The following RCOR3 variants were observed in gnomAD, a reference collection of about 807,000 sequenced individuals.
RCOR3 encodes the protein REST corepressor 3.
Under a neutral mutation model 64.1 loss-of-function variants are expected in RCOR3, and 13 were observed. The observed-to-expected ratio is 0.20, with a 90% CI of 0.13 to 0.32. The LOEUF (loss-of-function observed/expected upper bound fraction) is 0.32. Among genes scored for constraint, RCOR3 ranks in the 10% least tolerant of loss-of-function variants. The pLI, the probability that RCOR3 is intolerant of heterozygous loss-of-function variation, is 1.00. For synonymous variants in RCOR3, 215 were observed against 239.0 expected (o/e 0.90, Z 0.93); for missense variants, 489 against 701.2 (o/e 0.70, Z 3.42).
At chr1:211,273,919 A>G (rs1696598952) in intron 3 of RCOR3, among the ~76,000 whole-genome samples, 1 of 152,190 alleles carries the variant, frequency 6.6e-6, no homozygotes, top group Admixed American at 6.5e-5. Context: ...TCTATTGGCT[A>G]CCCATAGATT....
chr1:211,309,796 G>A (rs1400021535), intron 10 of RCOR3, among the ~76,000 whole-genome samples: 1 of 152,202 alleles, frequency 6.6e-6, no homozygotes, highest in Admixed American at 6.5e-5. Context: ...GCCGTAAGTT[G>A]TTAAAGTTAG....
chr1:211,259,406 T>A lies in RCOR3; in HGVS notation c.-155T>A, dbSNP rs1302078655. The A allele has an allele frequency of 1.6e-6, 1 of 618,640 alleles. No individual in the cohort carries two copies. Among genetic ancestry groups the A allele is most frequent in the African/African-American group, 2.1e-5 (1 of 48,434 alleles). 38.3% of individuals were successfully genotyped at this position (618,640 alleles called of 1,614,324 possible). A position where few individuals can be genotyped will look rare whatever the true frequency, so the allele number is the denominator to read the frequency against. On this transcript the variant is annotated 5_prime_UTR_variant, in exon 1 of 12. Coordinates refer to ENST00000419091, the MANE Select transcript of RCOR3 (RefSeq NM_001136223.3). Reference sequence around the variant, plus strand: ...CTGCGCTACTGCCGGAGCGGGGCGGTTATGGCGGCTCCATATTAACAGCCT... The same window carrying A: ...CTGCGCTACTGCCGGAGCGGGGCGGATATGGCGGCTCCATATTAACAGCCT...
rs932952205 is a variant in RCOR3, at chr1:211,314,868, C to T, written c.*1100C>T. 1 of 152,040 alleles carries T rather than the reference C, an allele frequency of 6.6e-6. No homozygotes were observed. The allele number at this position is 152,040 out of a possible 1,614,324, so 9.4% of individuals were successfully genotyped here. On this transcript the variant is annotated 3_prime_UTR_variant, in exon 12 of 12. Coordinates refer to ENST00000419091, the MANE Select transcript of RCOR3 (RefSeq NM_001136223.3). ...GTATTCCTTGCAGCCAACCTGTATT[C>T]GTGGGATTGGTGTAGGGTTAAATCA...
intron 2 of RCOR3, among the ~76,000 whole-genome samples, chr1:211,269,997 A>G (rs184049214): frequency 5.5e-4 from 84 of 152,012 alleles, no homozygotes; most frequent in African/African-American, 2.0e-3. Context: ...AAATGTTACT[A>G]TTCTTCCAGG....
At chr1:211,309,926 A>G (rs1361948305) in intron 10 of RCOR3, among the ~76,000 whole-genome samples, 1 of 152,182 alleles carries the variant, frequency 6.6e-6, no homozygotes, top group East Asian at 1.9e-4. Flanking sequence ...TGCTAGCAAC[A>G]GTATAGAGCT....
At chr1:211,294,155 T>C (rs1296597988) in intron 8 of RCOR3, among the ~76,000 whole-genome samples, 1 of 152,256 alleles carries the variant, frequency 6.6e-6, no homozygotes, top group Admixed American at 6.5e-5. Flanking sequence ...TGTTTATGTA[T>C]GATTTTTGTC....
At chr1:211,311,729 T>C (rs1375605029) in intron 10 of RCOR3, among the ~76,000 whole-genome samples, 2 of 152,196 alleles carry the variant, frequency 1.3e-5, no homozygotes, top group African/African-American at 4.8e-5. Context: ...AAAGCAGTTA[T>C]CAAATTATAA....
intron 8 of RCOR3, among the ~76,000 whole-genome samples, chr1:211,289,610 T>G (rs1698992132): frequency 6.6e-6 from 1 of 152,200 alleles, no homozygotes; most frequent in South Asian, 2.1e-4. Context: ...AGCTCTGTGG[T>G]CTTGGGCAAA....
intron 3 of RCOR3, 137 bp downstream of exon 3, chr1:211,271,446 AT>A (rs917587185): frequency 0.011 from 6,097 of 561,550 alleles, no homozygotes; most frequent in East Asian, 0.013. Flanking sequence ...TTATTTTTTT[AT>A]TTTTTTTTTA....
intron 9 of RCOR3, chr1:211,302,205 T>A (rs1260582896): frequency 6.6e-6 from 1 of 152,204 alleles, no homozygotes; most frequent in Non-Finnish European, 1.5e-5. Context: ...ACTACATCAT[T>A]ATCCTTCTCT....
intron 5 of RCOR3, 147 bp from the exon 6 acceptor site, chr1:211,277,970 G>A (rs1031698466): frequency 1.2e-5 from 8 of 650,906 alleles, no homozygotes; most frequent in African/African-American, 1.1e-4. Flanking sequence ...GATACTGACT[G>A]TAGTAGTACT....
At position 211,313,663 on chromosome 1, in the gene RCOR3, C is replaced by A; in HGVS notation, c.1557C>A (p.Ser519=). 1 of 1,614,214 alleles carries A rather than the reference C, an allele frequency of 6.2e-7. No homozygotes were observed. The highest frequency in any genetic ancestry group is 8.5e-7 in the Non-Finnish European group (1 of 1,180,042). ...CACCTCTTATTCGCCCTGCTAATTC[C>A]ATGCCACCCCGTCTAAACCCAAGAC... The part of the protein sequence containing the change: ...PPPPLIRPAN[S]MPPRLNPRPV... The change falls in exon 12 of 12, where the codon TCC becomes TCA. Residue 519 remains serine, a synonymous_variant. Transcript: ENST00000419091. This position sits in a 1 kb window ranked among gnomAD's most constrained non-coding sequence, Gnocchi z 4.7.
chr1:211,296,537 C>T (rs1699879149), intron 9 of RCOR3, among the ~76,000 whole-genome samples: 1 of 152,064 alleles, frequency 6.6e-6, no homozygotes, highest in South Asian at 2.1e-4. Context: ...GAAACATCTA[C>T]AGATGAAATT....
At chr1:211,260,548 C>T (rs1050309765) in intron 2 of RCOR3, among the ~76,000 whole-genome samples, 4 of 152,234 alleles carry the variant, frequency 2.6e-5, no homozygotes, top group Admixed American at 6.5e-5. Flanking sequence ...TGCCACCTCG[C>T]TCGCCCCGGC....
rs1347573018 is a variant in RCOR3, at chr1:211,314,127, C to G, written c.*359C>G. ...TTCCTGCCTCTTCATAGTCAAGGCT[C>G]TTAGTACAGGAATATTGACTTAGGA... On this transcript the variant is annotated 3_prime_UTR_variant, in exon 12 of 12. Coordinates refer to ENST00000419091, the MANE Select transcript of RCOR3 (RefSeq NM_001136223.3). 1.1e-5 allele frequency: 2 copies of G among 180,394 alleles called. No homozygotes were observed. The highest frequency in any genetic ancestry group is 4.8e-5 in the African/African-American group (2 of 42,008). 11.2% of individuals were successfully genotyped at this position (180,394 alleles called of 1,614,324 possible).
intron 2 of RCOR3, among the ~76,000 whole-genome samples, chr1:211,265,655 GTTGGAGTGAGCCGAGA>G (rs1695065417): frequency 6.6e-6 from 1 of 152,144 alleles, no homozygotes. Context: ...GGAGGCGGAG[GTTGGAGTGAGCCGAGA>G]TTGCACCATT....
In RCOR3 at chr1:211,312,165, T is replaced by C. The variant is rs1423229033; in HGVS notation, c.1076-555T>C. 3 of 208,658 alleles carry C rather than the reference T, an allele frequency of 1.4e-5. No homozygotes were observed. The highest frequency in any genetic ancestry group is 3.1e-5 in the Non-Finnish European group (3 of 95,776). The allele number at this position is 208,658 out of a possible 1,614,324, so 12.9% of individuals were successfully genotyped here. On this transcript the variant is annotated intron_variant, in intron 10 of 11. Transcript: ENST00000419091. The surrounding 1 kb of genome is among the most constrained non-coding windows in gnomAD (Gnocchi z 5.0). ...CCTGCTTTTCATGTTTAAGTTCTTA[T>C]CTAATTTCAATTTGTTGGTACCCTG...
chr1:211,276,112 G>A (rs920615167), intron 4 of RCOR3, 145 bp from the exon 5 acceptor site: 16 of 663,252 alleles, frequency 2.4e-5, no homozygotes, highest in African/African-American at 1.5e-4. Flanking sequence ...CTACCTGAGC[G>A]CCCCTGATTT....
At position 211,314,124 on chromosome 1, in the gene RCOR3, G is replaced by C. The variant is rs1701743961; in HGVS notation, c.*356G>C. On this transcript the variant is annotated 3_prime_UTR_variant, in exon 12 of 12. Coordinates refer to ENST00000419091, the MANE Select transcript of RCOR3 (RefSeq NM_001136223.3). Reference sequence around the variant, plus strand: ...ATATTCCTGCCTCTTCATAGTCAAGGCTCTTAGTACAGGAATATTGACTTA... The same window carrying C: ...ATATTCCTGCCTCTTCATAGTCAAGCCTCTTAGTACAGGAATATTGACTTA... 1 of 185,132 alleles carries C rather than the reference G, an allele frequency of 5.4e-6. No homozygotes were observed. Among genetic ancestry groups the C allele is most frequent in the African/African-American group, 2.4e-5 (1 of 42,138 alleles). The allele number at this position is 185,132 out of a possible 1,614,324, so 11.5% of individuals were successfully genotyped here.
Sources: allele counts gnomAD v4.1 joint callset (sites outside exome capture counted in the v4.1 genomes callset), GRCh38; gene constraint gnomAD v4.1.1; non-coding constraint Gnocchi (gnomAD v3.1); transcripts MANE v1.5; gene names NCBI Gene and HGNC (gene_info 2026-07-23, HGNC 2026-07-21).